SH3TC1: variants seen among roughly 807,000 people sequenced by gnomAD.
SH3TC1 encodes the protein SH3 domain and tetratricopeptide repeat-containing protein 1.
A neutral mutation model predicts 117.3 loss-of-function variants in SH3TC1; 135 were observed. The ratio of observed to expected loss-of-function variants is 1.15; its 90% CI spans 1.00 to 1.33. SH3TC1 has a LOEUF of 1.33. Among genes scored for constraint, SH3TC1 ranks in the 40% most tolerant of loss-of-function variants. SH3TC1 has a pLI of 0.00. For synonymous variants in SH3TC1, 898 were observed against 816.9 expected (o/e 1.10, Z -1.69); for missense variants, 2,092 against 1,794.3 (o/e 1.17, Z -3.00).
In SH3TC1 at chr4:8,227,745, C is replaced by A. The variant is rs1235767027; in HGVS notation, c.2051C>A (p.Ala684Asp). The A allele has an allele frequency of 1.3e-5, 21 of 1,608,612 alleles. No individual in the cohort carries two copies. The highest frequency in any genetic ancestry group is 1.8e-5 in the Non-Finnish European group (21 of 1,177,490). Residue 684 changes from alanine to aspartate, a missense_variant, in exon 12 of 18, where the codon GCC (alanine) becomes GAC (aspartate). Ala to Asp is a moderately radical substitution (Grantham distance 126, BLOSUM62 -2). Coordinates refer to ENST00000245105, the MANE Select transcript of SH3TC1 (RefSeq NM_018986.5). ...HHVHLKQPEE[A>D]LPFLERLLLL... ...GTGCACCTCAAGCAGCCCGAGGAGGCCCTGCCCTTCCTAGAGCGGCTGCTG... is the reference window on the plus strand; with the variant it reads ...GTGCACCTCAAGCAGCCCGAGGAGGACCTGCCCTTCCTAGAGCGGCTGCTG...
chr4:8,219,572 A>G (rs934068256), intron 9 of SH3TC1, 42 bp downstream of exon 9: 50 of 1,436,580 alleles, frequency 3.5e-5, no homozygotes, highest in Non-Finnish European at 4.2e-5. Flanking sequence ...ACCCACCCCC[A>G]TCTCACCTAA....
chr4:8,217,120 G>T lies in SH3TC1; in HGVS notation c.792G>T (p.Glu264Asp), dbSNP rs1429773509. 1.9e-6 allele frequency: 3 copies of T among 1,613,792 alleles called. No individual in the cohort carries two copies. The South Asian group carries it at 3.3e-5, about 18-fold the overall frequency. The change falls in exon 7 of 18, where the codon GAG (glutamate) becomes GAT (aspartate). Residue 264 changes from glutamate to aspartate, a missense_variant. Physicochemically the swap from Glu to Asp is conservative, Grantham distance 45. Transcript: ENST00000245105. ...CGCCGAGCCCCAGCGTGTCCTCCGA[G>T]GAGGTGGCAGTGGCGGCCGCCCCGG... ...SSPPSPSVSS[E>D]EVAVAAAPEP...
At position 8,225,447 on chromosome 4, in the gene SH3TC1, C is replaced by T. The variant is rs558048638; in HGVS notation, c.1285+231C>T. On this transcript the variant is annotated intron_variant, in intron 11 of 17. Transcript: ENST00000245105. The surrounding 1 kb of genome is among the most constrained non-coding windows in gnomAD (Gnocchi z 5.5). ...TTCTTCCAATGAACATGCTGGCCCC[C>T]GCCTGGTCCCCGCCCAAGATGGAGC... Among the ~76,000 whole-genome samples the T allele has an allele frequency of 6.6e-6, 1 of 152,134 alleles. No homozygotes were observed.
rs749970543 is a variant in SH3TC1, at chr4:8,228,296, A to G, written c.2602A>G (p.Met868Val). The G allele has an allele frequency of 2.1e-5, 34 of 1,612,192 alleles. No homozygotes were observed. The highest frequency in any genetic ancestry group is 2.5e-5 in the Non-Finnish European group (30 of 1,179,902). ...SEDQEGVIANMVAVALKRTGR... is the reference protein window; with the variant it reads ...SEDQEGVIANVVAVALKRTGR... ...GGACCAGGAGGGCGTGATTGCCAAC[A>G]TGGTGGCCGTGGCTCTGAAGAGGAC... The change falls in exon 12 of 18, where the codon ATG becomes GTG. Residue 868 changes from methionine (M) to valine (V), a missense_variant. By Grantham distance (21) the Met-to-Val change is conservative. Transcript: ENST00000245105.
Position 8,241,091 on chromosome 4 carries a change from T to A in SH3TC1, c.*136T>A. On this transcript the variant is annotated 3_prime_UTR_variant, in exon 18 of 18. Transcript: ENST00000245105. ...AATAGCAATAAATGGGTTTTGTTTT[T>A]TTTTTGCAATAACTTATTGAAGTCA... The A allele has an allele frequency of 1.6e-6, 2 of 1,285,966 alleles. No individual in the cohort carries two copies. Among genetic ancestry groups the A allele is most frequent in the South Asian group, 1.5e-5 (1 of 65,324 alleles). The allele number at this position is 1,285,966 out of a possible 1,614,324, so 79.7% of individuals were successfully genotyped here. A position where few individuals can be genotyped will look rare whatever the true frequency, so the allele number is the denominator to read the frequency against.
chr4:8,198,226 C>T (rs73077985), upstream of SH3TC1, among the ~76,000 whole-genome samples: 17,858 of 152,260 alleles, frequency 0.12, 1,227 homozygotes, highest in African/African-American at 0.13. Flanking sequence ...TTGTTGGTCA[C>T]TGGCCTTGGG....
Position 8,183,258 on chromosome 4 carries a change from G to T in SH3TC1, c.-57+1048G>T, listed in dbSNP as rs923492697. On this transcript the variant is annotated intron_variant, in intron 1 of 16. Coordinates refer to the SH3TC1 transcript ENST00000508641. This position sits in a 1 kb window ranked among gnomAD's most constrained non-coding sequence, Gnocchi z 5.4. Reference sequence around the variant, plus strand: ...CTCATCCTCCCCCTCGTTTACAGAGGAAGGCCGGCGCTCAAGGTGGCAGGA... The same window carrying T: ...CTCATCCTCCCCCTCGTTTACAGAGTAAGGCCGGCGCTCAAGGTGGCAGGA... 2.6e-5 allele frequency among the ~76,000 whole-genome samples: 4 copies of T among 152,242 alleles called. No individual in the cohort carries two copies. Among genetic ancestry groups the T allele is most frequent in the Admixed American group, 6.5e-5 (1 of 15,290 alleles).
At position 8,205,388 on chromosome 4, in the gene SH3TC1, CA is replaced by C; in HGVS notation, c.172+23del. ...GGCGGTGAGTTCATTCCACCCTCAC[CA>C]CCCGCCCTCCATCCCACCCACTTCT... On this transcript the variant is annotated intron_variant, in intron 2 of 17. Transcript: ENST00000245105. The surrounding 1 kb of genome is among the most constrained non-coding windows in gnomAD (Gnocchi z 5.4). 6.5e-7 allele frequency: 1 copy of C among 1,531,246 alleles called. No homozygotes were observed. The highest frequency in any genetic ancestry group is 1.2e-5 in the South Asian group (1 of 81,104). The allele number at this position is 1,531,246 out of a possible 1,614,324, so 94.9% of individuals were successfully genotyped here. A position where few individuals can be genotyped will look rare whatever the true frequency, so the allele number is the denominator to read the frequency against.
chr4:8,238,027 T>C (rs956796316), intron 17 of SH3TC1, among the ~76,000 whole-genome samples: 2 of 151,832 alleles, frequency 1.3e-5, no homozygotes, highest in Non-Finnish European at 2.9e-5. Flanking sequence ...GAAAACAGGG[T>C]AGGGAGAAGG....
chr4:8,214,153 C>T (rs1678291), intron 4 of SH3TC1, among the ~76,000 whole-genome samples: 3,201 of 151,608 alleles, frequency 0.021, 43 homozygotes, highest in Non-Finnish European at 0.033. Context: ...CAGCTTAGGT[C>T]GGGAGAAGCG....
At chr4:8,204,488 C>A (rs1157897892) in intron 1 of SH3TC1, among the ~76,000 whole-genome samples, 1 of 152,200 alleles carries the variant, frequency 6.6e-6, no homozygotes, top group Non-Finnish European at 1.5e-5. Flanking sequence ...TCTGGAGGGG[C>A]AGGGTGGACC....
intron 5 of SH3TC1, chr4:8,215,039 G>A (rs537543109): frequency 2.6e-5 from 11 of 430,868 alleles, no homozygotes; most frequent in South Asian, 9.8e-5. Flanking sequence ...ACACTGGTGT[G>A]CGCACCTGGT....
chr4:8,227,652 G>T lies in SH3TC1; in HGVS notation c.1958G>T (p.Arg653Leu), dbSNP rs372583178. Reference sequence around the variant, plus strand: ...GGGGAGCTCCTGCAGCTGGCGCTGCGGCGGGCGGTGGGTGGCCAGAGCCTG... The same window carrying T: ...GGGGAGCTCCTGCAGCTGGCGCTGCTGCGGGCGGTGGGTGGCCAGAGCCTG... Reference protein sequence around the residue: ...AEGELLQLALRRAVGGQSLQA... With the variant: ...AEGELLQLALLRAVGGQSLQA... The change falls in exon 12 of 18, where the codon CGG becomes CTG. Residue 653 changes from arginine (R) to leucine (L), a missense_variant. By Grantham distance (102) the Arg-to-Leu change is moderately radical (BLOSUM62 -2). Transcript: ENST00000245105. The T allele has an allele frequency of 6.7e-5, 102 of 1,527,108 alleles. No homozygotes were observed. The highest frequency in any genetic ancestry group is 8.8e-5 in the Non-Finnish European group (100 of 1,139,620). 94.6% of individuals were successfully genotyped at this position (1,527,108 alleles called of 1,614,324 possible). A position where few individuals can be genotyped will look rare whatever the true frequency, so the allele number is the denominator to read the frequency against.
In SH3TC1 at chr4:8,216,131, G is replaced by T; in HGVS notation, c.502G>T (p.Ala168Ser). ...HALGFTHHCLANLLMDQAFWL... is the reference protein window; with the variant it reads ...HALGFTHHCLSNLLMDQAFWL... ...CACAGGCTTCACTCATCACTGCCTG[G>T]CAAACCTGCTCATGGACCAGGCCTT... The change falls in exon 6 of 18, where the codon GCA (alanine) becomes TCA (serine). Residue 168 changes from alanine (A) to serine (S), a missense_variant. Coordinates refer to ENST00000245105, the MANE Select transcript of SH3TC1 (RefSeq NM_018986.5). 1 of 1,613,450 alleles carries T rather than the reference G, an allele frequency of 6.2e-7. No individual in the cohort carries two copies. The highest frequency in any genetic ancestry group is 8.5e-7 in the Non-Finnish European group (1 of 1,180,002).
chr4:8,197,182 G>C (rs952462321), upstream of SH3TC1, among the ~76,000 whole-genome samples: 1 of 152,124 alleles, frequency 6.6e-6, no homozygotes, highest in Non-Finnish European at 1.5e-5. Flanking sequence ...GCAAAGACTG[G>C]AGCGATGCCA....
rs550578766 is a variant in SH3TC1, at chr4:8,214,597, C to T, written c.481+17C>T. ...ATGCTCTCGGTAAAGAGGTGACCCTCCCAGAATTGGTCATGGGGACGCCCG... is the reference window on the plus strand; with the variant it reads ...ATGCTCTCGGTAAAGAGGTGACCCTTCCAGAATTGGTCATGGGGACGCCCG... On this transcript the variant is annotated intron_variant, in intron 5 of 17. Transcript: ENST00000245105. 16 of 1,607,462 alleles carry T rather than the reference C, an allele frequency of 1.0e-5. No homozygotes were observed. Among genetic ancestry groups the T allele is most frequent in the African/African-American group, 6.7e-5 (5 of 74,914 alleles).
intron 1 of SH3TC1, among the ~76,000 whole-genome samples, chr4:8,188,823 T>C (rs1717317110): frequency 6.6e-6 from 1 of 152,244 alleles, no homozygotes; most frequent in South Asian, 2.1e-4. Context: ...AACAAGGGGC[T>C]GCTGCCTGGA....
At chr4:8,202,312 T>C (rs1717891325) in intron 1 of SH3TC1, among the ~76,000 whole-genome samples, 1 of 152,178 alleles carries the variant, frequency 6.6e-6, no homozygotes, top group Non-Finnish European at 1.5e-5. Flanking sequence ...TCCCAGGACA[T>C]GGGAACAGGG....
chr4:8,241,043 T>G lies in SH3TC1; in HGVS notation c.*88T>G, dbSNP rs185447918. Reference sequence around the variant, plus strand: ...CGCCGGTGGCTCATTTTCTGGCAAATGGAGGCACGAACGCAGGGGCCAAAT... The same window carrying G: ...CGCCGGTGGCTCATTTTCTGGCAAAGGGAGGCACGAACGCAGGGGCCAAAT... On this transcript the variant is annotated 3_prime_UTR_variant, in exon 18 of 18. Coordinates refer to ENST00000245105, the MANE Select transcript of SH3TC1 (RefSeq NM_018986.5). The G allele has an allele frequency of 2.6e-4, 404 of 1,547,092 alleles. 1 individual carries two copies. The highest frequency in any genetic ancestry group is 3.2e-4 in the Non-Finnish European group (363 of 1,151,160).
Sources: gnomAD v4.1 joint callset for allele counts (sites outside exome capture counted in the v4.1 genomes callset) on GRCh38, gnomAD v4.1.1 for gene constraint, Gnocchi (gnomAD v3.1) non-coding constraint, MANE v1.5 for transcripts, NCBI Gene and HGNC (gene_info 2026-07-23, HGNC 2026-07-21) for gene names.